The following MAN1C1 variants were observed in gnomAD, a reference collection of about 807,000 sequenced individuals.
MAN1C1 encodes the protein mannosidase alpha class 1C member 1.
In MAN1C1, 49 loss-of-function variants were observed where a neutral mutation model predicts 71.5. The ratio of observed to expected loss-of-function variants is 0.69; its 90% CI spans 0.54 to 0.87. The LOEUF (loss-of-function observed/expected upper bound fraction) is 0.87, where lower values mean the gene tolerates loss of function less well. Among genes scored for constraint, MAN1C1 ranks in the 40% least tolerant of loss-of-function variants. MAN1C1 has a pLI of 0.00. For synonymous variants in MAN1C1, 352 were observed against 343.7 expected (o/e 1.02, Z -0.27); for missense variants, 743 against 835.0 (o/e 0.89, Z 1.36).
chr1:25,618,424 C>T (rs1376152519), intron 1 of MAN1C1, 87 bp downstream of exon 1: 2 of 1,318,682 alleles, frequency 1.5e-6, no homozygotes, highest in Non-Finnish European at 2.1e-6. Context: ...TTTCCCTTGC[C>T]TCAGTCACTC....
chr1:25,698,228 G>T (rs1198161761), intron 2 of MAN1C1, among the ~76,000 whole-genome samples: 7 of 152,226 alleles, frequency 4.6e-5, no homozygotes, highest in Admixed American at 1.3e-4. Context: ...TTGAAGTAGA[G>T]CTTCTCCAGT....
chr1:25,771,838 CG>C (rs1175272545), intron 8 of MAN1C1, 66 bp downstream of exon 8: 2 of 1,346,868 alleles, frequency 1.5e-6, no homozygotes, highest in Middle Eastern at 1.9e-4. Flanking sequence ...CACGGCCGAG[CG>C]AGGGTGCTGC....
chr1:25,748,628 C>T (rs909573397), intron 3 of MAN1C1, among the ~76,000 whole-genome samples: 3 of 152,178 alleles, frequency 2.0e-5, no homozygotes, highest in African/African-American at 4.8e-5. Flanking sequence ...CAGATCTGGT[C>T]CTGGCATGAT....
chr1:25,677,483 CAG>C (rs955571567), intron 1 of MAN1C1, among the ~76,000 whole-genome samples: 5 of 152,026 alleles, frequency 3.3e-5, no homozygotes, highest in African/African-American at 4.8e-5. Context: ...CTAGTGGGGA[CAG>C]GGGTACAGTT....
At chr1:25,654,998 T>G (rs2045744585) in intron 1 of MAN1C1, among the ~76,000 whole-genome samples, 1 of 152,218 alleles carries the variant, frequency 6.6e-6, no homozygotes, top group Non-Finnish European at 1.5e-5. Flanking sequence ...CTGGAACACA[T>G]GCTGTCCTCT....
At chr1:25,621,621 G>T (rs1056878647) in intron 1 of MAN1C1, among the ~76,000 whole-genome samples, 8 of 151,514 alleles carry the variant, frequency 5.3e-5, no homozygotes, top group Non-Finnish European at 1.2e-4. Context: ...TGTTTTTTTT[G>T]TTTGTGTTTG....
chr1:25,622,425 C>G (rs1025270773), intron 1 of MAN1C1, among the ~76,000 whole-genome samples: 1 of 152,186 alleles, frequency 6.6e-6, no homozygotes, highest in African/African-American at 2.4e-5. Context: ...TTGGAACTCA[C>G]CTACTTTAAT....
At position 25,616,879 on chromosome 1, in the gene MAN1C1, A is replaced by G. The variant is rs2045104197; in HGVS notation, c.-919A>G. ...GCGTGTGGGGCGCAGGCTCGGCGGC[A>G]GCGGCCGGTCTGGAGCGGCCGCTGC... On this transcript the variant is annotated 5_prime_UTR_variant, in exon 1 of 12. Transcript: ENST00000374332. This position sits in a 1 kb window ranked among gnomAD's most constrained non-coding sequence, Gnocchi z 5.6. Among the ~76,000 whole-genome samples, 1 of 148,212 alleles carries G rather than the reference A, an allele frequency of 6.7e-6. No individual in the cohort carries two copies. Among genetic ancestry groups the G allele is most frequent in the Non-Finnish European group, 1.5e-5 (1 of 66,288 alleles).
chr1:25,695,014 CT>C (rs2046352329), intron 2 of MAN1C1, among the ~76,000 whole-genome samples: 1 of 152,152 alleles, frequency 6.6e-6, no homozygotes, highest in Admixed American at 6.5e-5. Flanking sequence ...TATACACACC[CT>C]TCCCGGTGTA....
chr1:25,628,776 C>T (rs1451898951), intron 1 of MAN1C1, among the ~76,000 whole-genome samples: 3 of 151,934 alleles, frequency 2.0e-5, no homozygotes, highest in East Asian at 1.9e-4. Context: ...CTCCAAAGTC[C>T]GTTATATCAC....
At chr1:25,712,797 C>T (rs573101646) in intron 2 of MAN1C1, among the ~76,000 whole-genome samples, 1 of 152,154 alleles carries the variant, frequency 6.6e-6, no homozygotes, top group African/African-American at 2.4e-5. Flanking sequence ...CGGTGGGCAT[C>T]GGCTGTGTCT....
chr1:25,757,304 T>G (rs2047299768), intron 5 of MAN1C1, among the ~76,000 whole-genome samples: 1 of 152,108 alleles, frequency 6.6e-6, no homozygotes, highest in Non-Finnish European at 1.5e-5. Context: ...GGAAGCAGAG[T>G]GCCCCTGGCA....
In MAN1C1 at chr1:25,776,424, G is replaced by A. The variant is rs962302642; in HGVS notation, c.1258-1681G>A. On this transcript the variant is annotated intron_variant, in intron 8 of 11. Coordinates refer to ENST00000374332, the MANE Select transcript of MAN1C1 (RefSeq NM_020379.4). The surrounding 1 kb of genome is among the most constrained non-coding windows in gnomAD (Gnocchi z 4.3). ...AAATTAGCCGGGGGTGGTGGCACAC[G>A]CCTATAATTACCCAGCTACTTGGGA... Among the ~76,000 whole-genome samples the A allele has an allele frequency of 1.3e-5, 2 of 152,108 alleles. No homozygotes were observed. The highest frequency in any genetic ancestry group is 4.2e-4 in the South Asian group (2 of 4,818).
At chr1:25,681,503 G>A (rs1205818160) in intron 1 of MAN1C1, among the ~76,000 whole-genome samples, 1 of 152,138 alleles carries the variant, frequency 6.6e-6, no homozygotes, top group Admixed American at 6.6e-5. Flanking sequence ...AAATGGTCCA[G>A]ACACAGGACA....
chr1:25,714,211 A>C (rs1402490251), intron 2 of MAN1C1, among the ~76,000 whole-genome samples: 3 of 152,206 alleles, frequency 2.0e-5, no homozygotes, highest in Non-Finnish European at 2.9e-5. Context: ...TGCAGCAAGC[A>C]ATCCATTCCC....
At position 25,779,662 on chromosome 1, in the gene MAN1C1, G is replaced by C. The variant is rs1343552911; in HGVS notation, c.1478-1278G>C. ...TGTCCTGTGGACGCCTGTAGCAGTG[G>C]CTCCTGCCTTCACCCCACTAGCGAC... On this transcript the variant is annotated intron_variant, in intron 9 of 11. Coordinates refer to ENST00000374332, the MANE Select transcript of MAN1C1 (RefSeq NM_020379.4). The surrounding 1 kb of genome is among the most constrained non-coding windows in gnomAD (Gnocchi z 4.6). Among the ~76,000 whole-genome samples the C allele has an allele frequency of 6.6e-6, 1 of 152,046 alleles. No individual in the cohort carries two copies. The highest frequency in any genetic ancestry group is 2.4e-5 in the African/African-American group (1 of 41,396).
chr1:25,652,333 C>T (rs574548896), intron 1 of MAN1C1, among the ~76,000 whole-genome samples: 22 of 152,354 alleles, frequency 1.4e-4, no homozygotes, highest in Middle Eastern at 6.8e-3. Context: ...CTCCAAGTAA[C>T]GCTGGAACTC....
intron 3 of MAN1C1, among the ~76,000 whole-genome samples, chr1:25,749,042 C>T (rs1486729897): frequency 1.3e-5 from 2 of 152,224 alleles, no homozygotes; most frequent in Admixed American, 6.5e-5. Flanking sequence ...AAGCCAAGCC[C>T]AGCATTTATT....
intron 2 of MAN1C1, among the ~76,000 whole-genome samples, chr1:25,728,288 G>A (rs990877605): frequency 1.2e-4 from 19 of 152,228 alleles, no homozygotes; most frequent in Admixed American, 3.9e-4. Context: ...CTGCAACCTC[G>A]GGTTCTCAGA....
Sources: allele counts gnomAD v4.1 joint callset (sites outside exome capture counted in the v4.1 genomes callset), GRCh38; gene constraint gnomAD v4.1.1; non-coding constraint Gnocchi (gnomAD v3.1); transcripts MANE v1.5; gene names NCBI Gene and HGNC (gene_info 2026-07-23, HGNC 2026-07-21).